Variants in TBC1D5 observed in about 807,000 individuals in gnomAD.
TBC1D5 encodes TBC1 domain family, member 5.
TBC1D5 carries 75 observed loss-of-function variants against 100.3 expected under a neutral mutation model. The ratio of observed to expected loss-of-function variants is 0.75; its 90% CI spans 0.62 to 0.91. The LOEUF is 0.91. Ranked by LOEUF, TBC1D5 falls within the 40% of genes least tolerant of loss-of-function variation. The pLI, the probability that TBC1D5 is intolerant of heterozygous loss-of-function variation, is 0.00. For missense variants in TBC1D5, 910 were observed against 942.4 expected (o/e 0.97, Z 0.45); for synonymous variants, 323 against 325.6 (o/e 0.99, Z 0.09).
intron 1 of TBC1D5, among the ~76,000 whole-genome samples, chr3:17,731,385 C>A (rs2076540822): frequency 6.6e-6 from 1 of 151,804 alleles, no homozygotes; most frequent in Non-Finnish European, 1.5e-5. Flanking sequence ...CCTATAGTCC[C>A]AGCTACTCTA....
chr3:17,244,472 CCCTT>C (rs200562062), intron 16 of TBC1D5, among the ~76,000 whole-genome samples: 1 of 152,200 alleles, frequency 6.6e-6, no homozygotes, highest in Admixed American at 6.5e-5. Context: ...ATTCCTTCTG[CCCTT>C]CCTTCCTCCT....
At chr3:17,261,370 A>G (rs1051097149) in intron 15 of TBC1D5, among the ~76,000 whole-genome samples, 18 of 150,780 alleles carry the variant, frequency 1.2e-4, no homozygotes, top group African/African-American at 4.4e-4. Flanking sequence ...ACGTACCAAA[A>G]TGATATCAAT....
At chr3:17,182,869 GTTTT>G (rs949770793) in intron 19 of TBC1D5, among the ~76,000 whole-genome samples, 4 of 150,976 alleles carry the variant, frequency 2.6e-5, no homozygotes. Context: ...AATGAGTTGT[GTTTT>G]TTTTTAAATT....
At chr3:17,316,634 G>C (rs1329636087) in intron 13 of TBC1D5, among the ~76,000 whole-genome samples, 2 of 152,174 alleles carry the variant, frequency 1.3e-5, no homozygotes, top group Non-Finnish European at 2.9e-5. Context: ...CATTTTAAAA[G>C]AACAGCATAT....
chr3:17,175,384 T>C (rs1277605113), intron 19 of TBC1D5, among the ~76,000 whole-genome samples: 1 of 152,188 alleles, frequency 6.6e-6, no homozygotes, highest in African/African-American at 2.4e-5. Flanking sequence ...CTTTGGCATA[T>C]TATTCTCCTA....
chr3:17,642,703 C>T (rs1209358179), intron 1 of TBC1D5, among the ~76,000 whole-genome samples: 2 of 152,102 alleles, frequency 1.3e-5, no homozygotes, highest in African/African-American at 4.8e-5. Context: ...CTGAGTCTAT[C>T]CTGGAACTCT....
chr3:17,498,838 T>C lies in TBC1D5; in HGVS notation c.97+9636A>G, dbSNP rs575422237. 9.8e-5 allele frequency among the ~76,000 whole-genome samples: 15 copies of C among 152,290 alleles called. No homozygotes were observed. The South Asian group carries it at 2.1e-3, about 21-fold the overall frequency. On this transcript the variant is annotated intron_variant, in intron 3 of 21. Coordinates refer to ENST00000253692, the Ensembl canonical transcript of TBC1D5. ...AAAATATTTTTTAAAAAAACTCAAG[T>C]ACATGTAAGGAGAATTTTACCAAAA...
In TBC1D5 at chr3:17,349,592, T is replaced by C. The variant is rs180913319; in HGVS notation, c.995+22483A>G. ...AACATTGTTCTGTTTGACTGATGTATAGCAATGCTTAAAAACTTTTTAGAG... is the reference window on the plus strand; with the variant it reads ...AACATTGTTCTGTTTGACTGATGTACAGCAATGCTTAAAAACTTTTTAGAG... On this transcript the variant is annotated intron_variant, in intron 13 of 21. Coordinates refer to ENST00000253692, the Ensembl canonical transcript of TBC1D5. Among the ~76,000 whole-genome samples, 15 of 152,334 alleles carry C rather than the reference T, an allele frequency of 9.8e-5. 1 individual carries two copies. In the East Asian group the frequency reaches 1.5e-3, roughly 16 times the overall value.
rs186957912 is a variant in TBC1D5 at position 17,583,076 on chromosome 3, A to G, written c.-36+40773T>C. On this transcript the variant is annotated intron_variant, in intron 2 of 21. Transcript: ENST00000253692. ...AACGTAGGTGGATCACTTGAGCTCA[A>G]GAGTTCAAGACCAGCCTGGGCAACA... 3.5e-3 allele frequency among the ~76,000 whole-genome samples: 531 copies of G among 152,162 alleles called. 4 individuals carry two copies. The highest frequency in any genetic ancestry group is 0.012 in the African/African-American group (503 of 41,530).
At chr3:17,435,861 G>T (rs2094526086) in intron 3 of TBC1D5, among the ~76,000 whole-genome samples, 1 of 152,192 alleles carries the variant, frequency 6.6e-6, no homozygotes, top group African/African-American at 2.4e-5. Context: ...CAATATGCAT[G>T]ATCAGAAAGT....
intron 1 of TBC1D5, among the ~76,000 whole-genome samples, chr3:17,668,562 T>A (rs560798765): frequency 1.3e-5 from 2 of 152,168 alleles, no homozygotes; most frequent in African/African-American, 4.8e-5. Context: ...CTATTAATAT[T>A]GTTTCATAGA....
chr3:17,504,753 C>T (rs73153068), intron 3 of TBC1D5, among the ~76,000 whole-genome samples: 9,254 of 152,202 alleles, frequency 0.061, 547 homozygotes, highest in African/African-American at 0.15. Flanking sequence ...ACTTCAGACA[C>T]CATTTTTATA....
intron 2 of TBC1D5, among the ~76,000 whole-genome samples, chr3:17,546,581 C>T (rs1193814540): frequency 2.0e-5 from 3 of 151,084 alleles, no homozygotes; most frequent in African/African-American, 7.3e-5. Flanking sequence ...CTGGGCAACA[C>T]GGTGAGACCC....
chr3:17,349,835 C>T (rs73145867), intron 13 of TBC1D5, among the ~76,000 whole-genome samples: 13,684 of 151,978 alleles, frequency 0.09, 1,408 homozygotes, highest in African/African-American at 0.26. Context: ...TACATTTAAA[C>T]GATTAAACAA....
At chr3:17,391,227 CTCT>C (rs1470581252) in intron 8 of TBC1D5, among the ~76,000 whole-genome samples, 1 of 152,130 alleles carries the variant, frequency 6.6e-6, no homozygotes, top group Non-Finnish European at 1.5e-5. Context: ...TTCTACATGG[CTCT>C]TCTTCTTTCT....
chr3:17,501,139 C>T (rs2095783501), intron 3 of TBC1D5, among the ~76,000 whole-genome samples: 4 of 149,552 alleles, frequency 2.7e-5, no homozygotes, highest in Admixed American at 2.6e-4. Context: ...CCTTGACAAC[C>T]TTACAGTCTA....
chr3:17,692,772 C>A (rs2071360749), intron 1 of TBC1D5, among the ~76,000 whole-genome samples: 1 of 152,206 alleles, frequency 6.6e-6, no homozygotes, highest in Admixed American at 6.5e-5. Flanking sequence ...CAGCACTGAT[C>A]TGAAGATCAC....
rs2074060007 is a variant in TBC1D5 at position 17,219,697 on chromosome 3, G to A, written c.1589-5327C>T. On this transcript the variant is annotated intron_variant, in intron 17 of 21. Coordinates refer to ENST00000253692, the Ensembl canonical transcript of TBC1D5. ...CCAGATACATTGTGCATCCTCCTGT[G>A]GTTGTAAGGTTACTTACTAGTTTTC... 2.6e-5 allele frequency among the ~76,000 whole-genome samples: 4 copies of A among 151,954 alleles called. No individual in the cohort carries two copies. In the South Asian group the frequency reaches 8.3e-4, roughly 32 times the overall value.
Position 17,258,496 on chromosome 3 carries a change from G to A in TBC1D5, c.1331+10C>T, listed in dbSNP as rs778872443. 5.0e-6 allele frequency: 8 copies of A among 1,606,304 alleles called. No individual in the cohort carries two copies. The highest frequency in any genetic ancestry group is 6.8e-6 in the Non-Finnish European group (8 of 1,176,568). On this transcript the variant is annotated intron_variant, in intron 16 of 21. Coordinates refer to ENST00000253692, the Ensembl canonical transcript of TBC1D5. ...TGATTTATAACTATCATCAGAAAAAGGGGACTTACCGGCTTTTATTCATGA... is the reference window on the plus strand; with the variant it reads ...TGATTTATAACTATCATCAGAAAAAAGGGACTTACCGGCTTTTATTCATGA...
Sources: gnomAD v4.1 joint callset for allele counts (sites outside exome capture counted in the v4.1 genomes callset) on GRCh38, gnomAD v4.1.1 for gene constraint, MANE v1.5 for transcripts, NCBI Gene and HGNC (gene_info 2026-07-23, HGNC 2026-07-21) for gene names.